TMEM248: variants seen among roughly 807,000 people sequenced by gnomAD.
TMEM248 encodes UPF0458 protein C7orf42.
TMEM248 carries 9 observed loss-of-function variants against 30.3 expected under a neutral mutation model. The observed-to-expected ratio is 0.30, with a 90% CI of 0.18 to 0.52. The LOEUF (loss-of-function observed/expected upper bound fraction) is 0.52. Among genes scored for constraint, TMEM248 ranks in the 20% least tolerant of loss-of-function variants. The probability of loss-of-function intolerance (pLI) is 0.97; values close to 1 mark genes in which losing one functional copy is unlikely to be tolerated. For missense variants in TMEM248, 338 were observed against 403.3 expected (o/e 0.84, Z 1.39); for synonymous variants, 184 against 154.4 (o/e 1.19, Z -1.42).
chr7:66,932,081 G>A (rs924877328), intron 1 of TMEM248, among the ~76,000 whole-genome samples: 1 of 151,858 alleles, frequency 6.6e-6, no homozygotes, highest in Admixed American at 6.6e-5. Context: ...TGGGATTACA[G>A]GCGTGAGCCA....
chr7:66,953,981 T>A (rs1792338638), intron 6 of TMEM248, among the ~76,000 whole-genome samples: 1 of 140,050 alleles, frequency 7.1e-6, no homozygotes, highest in South Asian at 2.3e-4. Context: ...TTTTGCTCTG[T>A]CACCAAGGCT....
intron 1 of TMEM248, among the ~76,000 whole-genome samples, chr7:66,933,193 A>T (rs28590087): frequency 0.16 from 24,019 of 151,786 alleles, 2,256 homozygotes; most frequent in East Asian, 0.29. Context: ...GGGGATAAGA[A>T]CTCACTCTGT....
chr7:66,944,862 T>G (rs1030171440), intron 2 of TMEM248, 114 bp from the exon 3 acceptor site: 2 of 1,096,484 alleles, frequency 1.8e-6, no homozygotes, highest in Non-Finnish European at 2.7e-6. Context: ...TGATCAGCTC[T>G]GAATTGTAGT....
chr7:66,926,942 T>A (rs934507725), intron 1 of TMEM248, among the ~76,000 whole-genome samples: 1 of 152,168 alleles, frequency 6.6e-6, no homozygotes, highest in Non-Finnish European at 1.5e-5. Flanking sequence ...CAAGTGCTGT[T>A]TTTCAAACAT....
At chr7:66,941,766 C>A (rs1791965699) in intron 1 of TMEM248, 82 bp from the exon 2 acceptor site, 7 of 1,327,536 alleles carry the variant, frequency 5.3e-6, no homozygotes, top group Admixed American at 2.3e-5. Flanking sequence ...GCTCACCCCC[C>A]AACACCTCAA....
At chr7:66,923,426 G>A (rs980127397) in intron 1 of TMEM248, among the ~76,000 whole-genome samples, 1 of 152,192 alleles carries the variant, frequency 6.6e-6, no homozygotes, top group African/African-American at 2.4e-5. Context: ...ATAGGTGTGA[G>A]CCACCTTGCT....
chr7:66,950,904 G>C (rs772899716), intron 4 of TMEM248, 48 bp from the exon 5 acceptor site: 2 of 1,434,644 alleles, frequency 1.4e-6, no homozygotes, highest in South Asian at 3.2e-5. Flanking sequence ...ACAAGTGAAT[G>C]ACTCAGGCCA....
At chr7:66,928,847 G>A (rs1393854218) in intron 1 of TMEM248, among the ~76,000 whole-genome samples, 2 of 151,936 alleles carry the variant, frequency 1.3e-5, no homozygotes, top group African/African-American at 4.8e-5. Flanking sequence ...GAGTGCAGTG[G>A]TGCCATCACA....
intron 5 of TMEM248, among the ~76,000 whole-genome samples, chr7:66,952,210 A>G (rs1792285503): frequency 6.6e-6 from 1 of 151,844 alleles, no homozygotes; most frequent in African/African-American, 2.4e-5. Flanking sequence ...AGTAGCTGGG[A>G]TTACAGGCAC....
At chr7:66,947,447 G>T (rs974966442) in intron 3 of TMEM248, among the ~76,000 whole-genome samples, 5 of 152,082 alleles carry the variant, frequency 3.3e-5, no homozygotes, top group African/African-American at 1.2e-4. Flanking sequence ...CTGTCGCCCA[G>T]GTTGGAGTGC....
At chr7:66,941,762 C>G in intron 1 of TMEM248, 86 bp from the exon 2 acceptor site, 2 of 1,239,398 alleles carry the variant, frequency 1.6e-6, no homozygotes, top group Non-Finnish European at 2.2e-6. Context: ...CCCAGCTCAC[C>G]CCCCAACACC....
At chr7:66,954,383 A>AT (rs557096964) in intron 6 of TMEM248, among the ~76,000 whole-genome samples, 1,968 of 125,292 alleles carry the variant, frequency 0.016, 27 homozygotes, top group East Asian at 0.038. Context: ...TGCTTTTTTA[A>AT]TTTTTTTTTT....
At chr7:66,950,768 TA>T (rs1286986754) in intron 4 of TMEM248, among the ~76,000 whole-genome samples, 183 bp from the exon 5 acceptor site, 1 of 152,166 alleles carries the variant, frequency 6.6e-6, no homozygotes, top group African/African-American at 2.4e-5. Context: ...TTTTATTTTT[TA>T]AAAAAGACCC....
chr7:66,923,818 G>A (rs923091368), intron 1 of TMEM248, among the ~76,000 whole-genome samples: 11 of 151,916 alleles, frequency 7.2e-5, no homozygotes, highest in Admixed American at 5.2e-4. Context: ...GGTGCATGCC[G>A]CCACACCCAG....
At chr7:66,934,861 G>A (rs1340454579) in intron 1 of TMEM248, among the ~76,000 whole-genome samples, 5 of 152,030 alleles carry the variant, frequency 3.3e-5, no homozygotes, top group South Asian at 2.1e-4. Context: ...AGACCAGTCT[G>A]GTCAACATGG....
chr7:66,948,389 G>A lies in TMEM248; in HGVS notation c.446-155G>A, dbSNP rs532040155. 4.7e-4 allele frequency among the ~76,000 whole-genome samples: 72 copies of A among 152,298 alleles called. 1 individual carries two copies. In the South Asian group the frequency reaches 0.011, roughly 24 times the overall value. ...GAGTTGAGTAGGACTCATGGTCAGGGTCAGGACTGCTCTTCTTCCTCAGAT... is the reference window on the plus strand; with the variant it reads ...GAGTTGAGTAGGACTCATGGTCAGGATCAGGACTGCTCTTCTTCCTCAGAT... On this transcript the variant is annotated intron_variant, in intron 3 of 6. Transcript: ENST00000341567.
At chr7:66,943,912 AG>A (rs1173642267) in intron 2 of TMEM248, among the ~76,000 whole-genome samples, 1 of 151,536 alleles carries the variant, frequency 6.6e-6, no homozygotes, top group East Asian at 1.9e-4. Context: ...TTCGTGCCTC[AG>A]CCTTCCAAGT....
rs749391502 is a variant in TMEM248, at chr7:66,945,168, C to T, written c.352C>T (p.Leu118=). 6.2e-7 allele frequency: 1 copy of T among 1,614,090 alleles called. No individual in the cohort carries two copies. Among genetic ancestry groups the T allele is most frequent in the Non-Finnish European group, 8.5e-7 (1 of 1,180,034 alleles). The change falls in exon 3 of 7, where the codon CTA becomes TTA. Residue 118 remains leucine (L), a synonymous_variant. Transcript: ENST00000341567. ...GPVNISVSIT[L]TLDPLKPFGG... ...GGTGAATATCTCAGTCTCAATCACCCTAACCCTGGACCCACTGAAACCCTT... is the reference window on the plus strand; with the variant it reads ...GGTGAATATCTCAGTCTCAATCACCTTAACCCTGGACCCACTGAAACCCTT...
intron 3 of TMEM248, 36 bp from the exon 4 acceptor site, chr7:66,948,508 T>C: frequency 1.3e-6 from 2 of 1,598,816 alleles, no homozygotes; most frequent in Non-Finnish European, 1.7e-6. Context: ...AGTACGTGGT[T>C]CTTGACTTTA....
Sources: gnomAD v4.1 joint callset for allele counts (sites outside exome capture counted in the v4.1 genomes callset) on GRCh38, gnomAD v4.1.1 for gene constraint, MANE v1.5 for transcripts, NCBI Gene and HGNC (gene_info 2026-07-23, HGNC 2026-07-21) for gene names.